Variants in CACNA1A observed in about 807,000 individuals in gnomAD.
The protein encoded by CACNA1A is voltage-dependent P/Q-type calcium channel subunit alpha-1A.
CACNA1A carries 57 observed loss-of-function variants against 262.4 expected under a neutral mutation model. The ratio of observed to expected loss-of-function variants is 0.22; its 90% CI spans 0.18 to 0.27. CACNA1A has a LOEUF of 0.27. Ranked by LOEUF, CACNA1A falls within the 10% of genes least tolerant of loss-of-function variation. The probability of loss-of-function intolerance (pLI) is 1.00; values close to 1 mark genes in which losing one functional copy is unlikely to be tolerated. For missense variants in CACNA1A, 2,526 were observed against 3,562.8 expected (o/e 0.71, Z 7.41); for synonymous variants, 1,431 against 1,419.3 (o/e 1.01, Z -0.18).
At position 13,250,301 on chromosome 19, in the gene CACNA1A, C is replaced by A. The variant is rs574006584; in HGVS notation, c.4866+2690G>T. Among the ~76,000 whole-genome samples the A allele has an allele frequency of 8.5e-5, 13 of 152,170 alleles. No homozygotes were observed. The South Asian group carries it at 2.7e-3, about 32-fold the overall frequency. ...TCTTGAACTCCTGACCTCAAGGGAT[C>A]TGCCCTCCTCAAGCTCCCAAACTGC... is the stretch of plus-strand genomic sequence containing the variant. On this transcript the variant is annotated intron_variant, in intron 30 of 46. Transcript: ENST00000360228.
intron 3 of CACNA1A, among the ~76,000 whole-genome samples, chr19:13,424,149 G>A (rs918353998): frequency 7.9e-5 from 12 of 152,144 alleles, no homozygotes; most frequent in Admixed American, 3.3e-4. Context: ...AGGAGTTTGA[G>A]ACCAGCCTGA....
At chr19:13,292,334 C>T (rs1287099309) in intron 19 of CACNA1A, among the ~76,000 whole-genome samples, 2 of 151,990 alleles carry the variant, frequency 1.3e-5, no homozygotes, top group Non-Finnish European at 2.9e-5. Flanking sequence ...TATGATCGGC[C>T]TGGCAAGGTA....
At chr19:13,432,498 G>C (rs1380011459) in intron 3 of CACNA1A, among the ~76,000 whole-genome samples, 1 of 151,858 alleles carries the variant, frequency 6.6e-6, no homozygotes, top group Non-Finnish European at 1.5e-5. Context: ...TGGAAGCAGA[G>C]AGAATGGTGG....
chr19:13,289,038 A>G (rs2057472786), intron 19 of CACNA1A, among the ~76,000 whole-genome samples: 1 of 152,120 alleles, frequency 6.6e-6, no homozygotes, highest in Admixed American at 6.6e-5. Context: ...CACAGGGGAA[A>G]TAGACAGGTC....
chr19:13,223,274 A>G (rs1395436773), intron 38 of CACNA1A, among the ~76,000 whole-genome samples: 1 of 151,748 alleles, frequency 6.6e-6, no homozygotes, highest in East Asian at 1.9e-4. Context: ...GCTCACTGCA[A>G]CCTCCGCCTC....
chr19:13,313,620 T>G (rs1269268249), intron 11 of CACNA1A, among the ~76,000 whole-genome samples: 1 of 151,986 alleles, frequency 6.6e-6, no homozygotes, highest in Non-Finnish European at 1.5e-5. Context: ...ATCTTGTAGT[T>G]TTTGCCCTGG....
intron 1 of CACNA1A, among the ~76,000 whole-genome samples, chr19:13,483,446 C>T (rs895459777): frequency 6.6e-6 from 1 of 152,146 alleles, no homozygotes; most frequent in Non-Finnish European, 1.5e-5. Flanking sequence ...AGTCATGTGA[C>T]CCAAGCCTAA....
At chr19:13,291,578 C>T (rs907936229) in intron 19 of CACNA1A, among the ~76,000 whole-genome samples, 3 of 146,454 alleles carry the variant, frequency 2.0e-5, no homozygotes, top group Admixed American at 7.1e-5. Context: ...GAAGGAAGAT[C>T]GCTTGAGCCC....
intron 3 of CACNA1A, among the ~76,000 whole-genome samples, chr19:13,448,881 C>G (rs1440704412): frequency 1.3e-5 from 2 of 152,178 alleles, no homozygotes; most frequent in Non-Finnish European, 2.9e-5. Context: ...ATGTTGAACA[C>G]AAAAGTCAGG....
rs1216114398 is a variant in CACNA1A, at chr19:13,207,332, C to G, written c.7502G>C (p.Ser2501Thr). Residue 2501 changes from serine to threonine, a missense_variant, in exon 47 of 47, where the codon AGT (serine) becomes ACT (threonine). Ser to Thr is a moderately conservative substitution (Grantham distance 58, BLOSUM62 1). Coordinates refer to ENST00000360228, the MANE Select transcript of CACNA1A (RefSeq NM_001127222.2). The surrounding 1 kb of genome is among the most constrained non-coding windows in gnomAD (Gnocchi z 5.7). The part of the protein sequence containing the change: ...RKGLHEPYSE[S>T]DDDWC ...CCGGGCTTAGCACCAATCATCGTCA[C>G]TCTCGCTGTAGGGTTCGTGCAGGCC... 6.4e-7 allele frequency: 1 copy of G among 1,561,608 alleles called. No homozygotes were observed. Among genetic ancestry groups the G allele is most frequent in the South Asian group, 1.2e-5 (1 of 86,946 alleles).
intron 4 of CACNA1A, chr19:13,371,023 A>T (rs2059313948): frequency 6.6e-6 from 1 of 152,098 alleles, no homozygotes; most frequent in Non-Finnish European, 1.5e-5. Flanking sequence ...CGGGGACTAG[A>T]TGTATCTGTG....
rs1290696859 is a variant in CACNA1A, at chr19:13,308,573, C to T, written c.1669-45G>A. ...CTCATGTCCAGGGACAGTGTCTGGG[C>T]TCCAGAACTGGCAAGCATTTCCTAG... is the stretch of plus-strand genomic sequence containing the variant. On this transcript the variant is annotated intron_variant, in intron 12 of 46. Transcript: ENST00000360228. The surrounding 1 kb of genome is among the most constrained non-coding windows in gnomAD (Gnocchi z 4.2). 2 of 1,284,070 alleles carry T rather than the reference C, an allele frequency of 1.6e-6. No homozygotes were observed. The highest frequency in any genetic ancestry group is 2.1e-5 in the Admixed American group (1 of 48,726). 79.5% of individuals were successfully genotyped at this position (1,284,070 alleles called of 1,614,324 possible).
chr19:13,345,895 C>CTTTT lies in CACNA1A; in HGVS notation c.979-9990_979-9987dup, dbSNP rs55982966. Among the ~76,000 whole-genome samples the CTTTT allele has an allele frequency of 5.2e-4, 52 of 100,540 alleles. 1 individual carries two copies. Among genetic ancestry groups the CTTTT allele is most frequent in the African/African-American group, 9.6e-4 (26 of 27,088 alleles). The allele number at this position is 100,540 out of a possible 152,430, so 66.0% of individuals were successfully genotyped here. On this transcript the variant is annotated intron_variant, in intron 6 of 46. Coordinates refer to ENST00000360228, the MANE Select transcript of CACNA1A (RefSeq NM_001127222.2). ...TATATAGGCTGTCTGTTCACGAAGT[C>CTTTT]TTTTTTTTTTTTTTTTTTTTTTTGA...
chr19:13,252,358 G>A (rs868145466), intron 30 of CACNA1A, among the ~76,000 whole-genome samples: 1 of 151,884 alleles, frequency 6.6e-6, no homozygotes, highest in Non-Finnish European at 1.5e-5. Flanking sequence ...ACAGGCATGA[G>A]CCACTGTGCT....
At chr19:13,234,350 C>CAAAAAAA (rs71168693) in intron 34 of CACNA1A, among the ~76,000 whole-genome samples, 7 of 71,234 alleles carry the variant, frequency 9.8e-5, no homozygotes, top group Non-Finnish European at 1.7e-4. Context: ...ACTCCATCTC[C>CAAAAAAA]AAAAAAAAAA....
At chr19:13,300,510 C>T in intron 18 of CACNA1A, 40 bp downstream of exon 18, 1 of 1,408,902 alleles carries the variant, frequency 7.1e-7, no homozygotes, top group Non-Finnish European at 1.0e-6. Flanking sequence ...TGTGGACGTT[C>T]AGGAGCCAGG....
chr19:13,291,670 A>G (rs1370002539), intron 19 of CACNA1A, among the ~76,000 whole-genome samples: 1 of 150,138 alleles, frequency 6.7e-6, no homozygotes, highest in African/African-American at 2.5e-5. Flanking sequence ...AGCTGGGCGT[A>G]GTTGCACGAG....
Position 13,299,053 on chromosome 19 carries a change from T to C in CACNA1A, c.2580A>G (p.Lys860=), listed in dbSNP as rs756814895. 2.5e-6 allele frequency: 4 copies of C among 1,604,132 alleles called. No homozygotes were observed. The highest frequency in any genetic ancestry group is 3.4e-6 in the Non-Finnish European group (4 of 1,178,582). The part of the protein sequence containing the change: ...GQQRAEDFLR[K]QARYHDRARD... ...GGGCCCGATCGTGGTAGCGGGCCTG[T>C]TTCCTGAGGAAGTCCTCGGCGCGCT... The change falls in exon 19 of 47, where the codon AAA becomes AAG. Residue 860 remains lysine (K), a synonymous_variant. Coordinates refer to ENST00000360228, the MANE Select transcript of CACNA1A (RefSeq NM_001127222.2).
At chr19:13,441,810 G>A (rs2060726266) in intron 3 of CACNA1A, among the ~76,000 whole-genome samples, 1 of 152,134 alleles carries the variant, frequency 6.6e-6, no homozygotes, top group Admixed American at 6.6e-5. Context: ...AACTGTAGAG[G>A]CAGTGGGACA....
Sources: allele counts gnomAD v4.1 joint callset (sites outside exome capture counted in the v4.1 genomes callset), GRCh38; gene constraint gnomAD v4.1.1; non-coding constraint Gnocchi (gnomAD v3.1); transcripts MANE v1.5; gene names NCBI Gene and HGNC (gene_info 2026-07-23, HGNC 2026-07-21).